AGFG1: variants seen among roughly 807,000 people sequenced by gnomAD.
AGFG1 encodes ArfGAP with FG repeats 1.
Under a neutral mutation model 60.6 loss-of-function variants are expected in AGFG1, and 10 were observed. The observed-to-expected ratio is 0.16, with a 90% confidence interval of 0.10 to 0.28. AGFG1 has a LOEUF of 0.28. AGFG1 is among the 10% of genes least tolerant of loss of function. The pLI, the probability that AGFG1 is intolerant of heterozygous loss-of-function variation, is 1.00. For synonymous variants in AGFG1, 247 were observed against 242.9 expected (o/e 1.02, Z -0.16); for missense variants, 537 against 676.5 (o/e 0.79, Z 2.29).
chr2:227,476,846 C>T (rs905502985), intron 1 of AGFG1, among the ~76,000 whole-genome samples: 1 of 151,038 alleles, frequency 6.6e-6, no homozygotes, highest in African/African-American at 2.4e-5. Flanking sequence ...GATATGGCCA[C>T]ATTCAGTTAA....
At chr2:227,533,022 T>G (rs1026758127) in intron 6 of AGFG1, among the ~76,000 whole-genome samples, 2 of 152,234 alleles carry the variant, frequency 1.3e-5, no homozygotes, top group Non-Finnish European at 2.9e-5. Flanking sequence ...TGGAATTAAA[T>G]AGTAGCTCTT....
intron 1 of AGFG1, among the ~76,000 whole-genome samples, chr2:227,481,863 CTTT>C (rs769166509): frequency 8.5e-6 from 1 of 117,574 alleles, no homozygotes; most frequent in Non-Finnish European, 1.8e-5. Context: ...TTGTCCACTA[CTTT>C]TTTTTTTTTT....
chr2:227,501,483 T>A (rs1028380953), intron 2 of AGFG1, among the ~76,000 whole-genome samples: 3 of 152,202 alleles, frequency 2.0e-5, no homozygotes, highest in African/African-American at 7.2e-5. Context: ...TTTGGATGAG[T>A]TTTGATCATT....
At chr2:227,539,442 C>CAAAAAA (rs542351308) in intron 10 of AGFG1, among the ~76,000 whole-genome samples, 13 of 39,516 alleles carry the variant, frequency 3.3e-4, no homozygotes, top group South Asian at 1.0e-3. Context: ...GACTCTGTCT[C>CAAAAAA]AAAAAAAACA....
chr2:227,520,921 A>G (rs1183243090), intron 3 of AGFG1, among the ~76,000 whole-genome samples: 1 of 152,166 alleles, frequency 6.6e-6, no homozygotes, highest in Non-Finnish European at 1.5e-5. Flanking sequence ...ACCCAAGAGA[A>G]TCTGTTCAGA....
chr2:227,532,740 C>T (rs768187728), intron 6 of AGFG1, among the ~76,000 whole-genome samples: 3 of 151,790 alleles, frequency 2.0e-5, no homozygotes, highest in Non-Finnish European at 4.4e-5. Flanking sequence ...AAATAAAGAA[C>T]TAATATCCCA....
At chr2:227,553,634 A>G (rs1009979950) in intron 11 of AGFG1, 70 bp from the exon 12 acceptor site, 4 of 1,253,666 alleles carry the variant, frequency 3.2e-6, no homozygotes, top group Non-Finnish European at 4.6e-6. Context: ...GAAAGTTATT[A>G]TGAGGCTTTA....
rs530121381 is a variant in AGFG1 at position 227,511,600 on chromosome 2, A to G, written c.262-8348A>G. 2.2e-4 allele frequency among the ~76,000 whole-genome samples: 33 copies of G among 152,326 alleles called. No homozygotes were observed. The South Asian group carries it at 5.4e-3, about 25-fold the overall frequency. On this transcript the variant is annotated intron_variant, in intron 2 of 12. Transcript: ENST00000310078. ...TATTTCTACCTAAATAAGTTGGGGA[A>G]CTAAATGTTCTAGGTCAGTGTGTAT... is the stretch of plus-strand genomic sequence containing the variant.
At chr2:227,488,865 C>T (rs1425817265) in intron 1 of AGFG1, among the ~76,000 whole-genome samples, 2 of 152,120 alleles carry the variant, frequency 1.3e-5, no homozygotes, top group African/African-American at 4.8e-5. Flanking sequence ...CCATGCTGGA[C>T]TGCAGTGGTG....
chr2:227,494,235 A>G (rs1161166156), intron 2 of AGFG1, among the ~76,000 whole-genome samples: 1 of 151,868 alleles, frequency 6.6e-6, no homozygotes, highest in African/African-American at 2.4e-5. Flanking sequence ...CCAAATCTTT[A>G]TGGATTTCAC....
chr2:227,540,261 G>A (rs1272467095), intron 10 of AGFG1, among the ~76,000 whole-genome samples: 1 of 148,814 alleles, frequency 6.7e-6, no homozygotes, highest in Admixed American at 6.7e-5. Flanking sequence ...TGTTACATAT[G>A]TATACATGTA....
chr2:227,521,612 G>A (rs1484674948), intron 3 of AGFG1, among the ~76,000 whole-genome samples: 1 of 152,176 alleles, frequency 6.6e-6, no homozygotes, highest in Admixed American at 6.5e-5. Context: ...CTGTAGGAAA[G>A]ACTGTTCTCC....
intron 2 of AGFG1, among the ~76,000 whole-genome samples, chr2:227,519,628 T>C (rs568803759): frequency 3.3e-5 from 5 of 152,166 alleles, no homozygotes; most frequent in Non-Finnish European, 7.3e-5. Context: ...TTCCTTTGTT[T>C]TGTAAGGGAA....
chr2:227,547,962 A>C (rs1267711679), intron 10 of AGFG1, among the ~76,000 whole-genome samples: 3 of 152,236 alleles, frequency 2.0e-5, no homozygotes, highest in African/African-American at 7.2e-5. Flanking sequence ...CAACTGATGA[A>C]ACCAAATGTC....
chr2:227,519,257 T>C (rs764763344), intron 2 of AGFG1, among the ~76,000 whole-genome samples: 4 of 152,384 alleles, frequency 2.6e-5, no homozygotes, highest in Non-Finnish European at 4.4e-5. Context: ...CAAGTTCTTA[T>C]ACATTTTACA....
rs1341354881 is a variant in AGFG1 at position 227,557,512 on chromosome 2, C to T, written c.*3017C>T. Reference sequence around the variant, plus strand: ...ATTTTAGTTTCAGAACCTTAACACTCCCCAACAGCTTTGTTGATGTAGCTT... The same window carrying T: ...ATTTTAGTTTCAGAACCTTAACACTTCCCAACAGCTTTGTTGATGTAGCTT... On this transcript the variant is annotated 3_prime_UTR_variant, in exon 13 of 13. Transcript: ENST00000310078. The T allele has an allele frequency of 1.3e-5, 2 of 152,086 alleles. No individual in the cohort carries two copies. Among genetic ancestry groups the T allele is most frequent in the South Asian group, 2.1e-4 (1 of 4,826 alleles). 9.4% of individuals were successfully genotyped at this position (152,086 alleles called of 1,614,324 possible). A position where few individuals can be genotyped will look rare whatever the true frequency, so the allele number is the denominator to read the frequency against.
intron 2 of AGFG1, among the ~76,000 whole-genome samples, chr2:227,518,560 G>C (rs1221067588): frequency 8.5e-6 from 1 of 117,964 alleles, no homozygotes; most frequent in Admixed American, 1.1e-4. Context: ...TTTTGCTCTT[G>C]TCGCCCAGGC....
At chr2:227,504,542 C>T (rs1354630735) in intron 2 of AGFG1, among the ~76,000 whole-genome samples, 1 of 152,160 alleles carries the variant, frequency 6.6e-6, no homozygotes, top group African/African-American at 2.4e-5. Context: ...CGGACATGCA[C>T]AGTTCAAACT....
chr2:227,534,881 A>G lies in AGFG1; in HGVS notation c.1061A>G (p.Lys354Arg), dbSNP rs141349983. 5.8e-5 allele frequency: 93 copies of G among 1,613,786 alleles called. No individual in the cohort carries two copies. Among genetic ancestry groups the G allele is most frequent in the African/African-American group, 5.3e-4 (40 of 74,996 alleles). The change falls in exon 8 of 13, where the codon AAA (lysine) becomes AGA (arginine). Residue 354 changes from lysine (K) to arginine (R), a missense_variant. This residue lies in a region of AGFG1 where 287 missense variants were observed against 343.6 expected (regional missense o/e 0.84). Transcript: ENST00000310078. ...GGAAGTGGCTTTGGGACCACAGGTAAAGCTCCTGTTGGTTCTGTGGTTTCA... is the reference window on the plus strand; with the variant it reads ...GGAAGTGGCTTTGGGACCACAGGTAGAGCTCCTGTTGGTTCTGTGGTTTCA... ...DQGSGFGTTG[K>R]APVGSVVSVP...
Sources: allele counts gnomAD v4.1 joint callset (sites outside exome capture counted in the v4.1 genomes callset), GRCh38; gene constraint gnomAD v4.1.1; regional missense constraint gnomAD v4.1.1; transcripts MANE v1.5; gene names NCBI Gene and HGNC (gene_info 2026-07-23, HGNC 2026-07-21).